Variants in VPS8 observed in about 807,000 individuals in gnomAD.
The protein encoded by VPS8 is VPS8 subunit of CORVET complex.
In VPS8, 129 loss-of-function variants were observed where a neutral mutation model predicts 216.4. That is an observed-to-expected ratio of 0.60 (90% CI 0.52 to 0.69). The LOEUF is 0.69. VPS8 is among the 30% of genes least tolerant of loss of function. The pLI, the probability that VPS8 is intolerant of heterozygous loss-of-function variation, is 0.00. For synonymous variants in VPS8, 571 were observed against 565.4 expected, an observed-to-expected ratio of 1.01 and a Z score of -0.14; for missense variants, 1,531 against 1,683.5, an observed-to-expected ratio of 0.91 and a Z score of 1.59.
chr3:184,816,906 T>TCG (rs1716443727), intron 1 of VPS8, among the ~76,000 whole-genome samples: 1 of 152,126 alleles, frequency 6.6e-6, no homozygotes, highest in Non-Finnish European at 1.5e-5. Flanking sequence ...GAATCATGAT[T>TCG]CATAGAATCA....
At chr3:184,927,881 G>C (rs1003317260) in intron 31 of VPS8, among the ~76,000 whole-genome samples, 10 of 152,160 alleles carry the variant, frequency 6.6e-5, no homozygotes, top group Non-Finnish European at 1.3e-4. Context: ...GTTCATCCAT[G>C]CCGCAGCATG....
intron 22 of VPS8, chr3:184,893,218 A>G (rs1732711515): frequency 7.9e-7 from 1 of 1,262,660 alleles, no homozygotes; most frequent in African/African-American, 1.5e-5. Flanking sequence ...TCTGTTTTCC[A>G]TCTGTCCCCT....
At chr3:185,048,435 C>G (rs1713431578) in intron 46 of VPS8, 44 bp from the exon 47 acceptor site, 2 of 1,597,814 alleles carry the variant, frequency 1.3e-6, no homozygotes, top group African/African-American at 1.3e-5. Flanking sequence ...GAGAGGCTGC[C>G]TAGCCACGTG....
chr3:184,900,613 T>C (rs1363093070), intron 24 of VPS8, among the ~76,000 whole-genome samples: 1 of 152,224 alleles, frequency 6.6e-6, no homozygotes, highest in Non-Finnish European at 1.5e-5. Context: ...ACTTGCTTAC[T>C]AGTTTTTAAA....
intron 23 of VPS8, among the ~76,000 whole-genome samples, chr3:184,895,965 C>T (rs1041153451): frequency 1.3e-5 from 2 of 151,728 alleles, no homozygotes; most frequent in African/African-American, 4.8e-5. Context: ...CACATTAGTC[C>T]TAATAATGAG....
chr3:184,924,170 G>A (rs1016936664), intron 29 of VPS8, among the ~76,000 whole-genome samples: 4 of 152,162 alleles, frequency 2.6e-5, no homozygotes, highest in African/African-American at 7.2e-5. Context: ...AATAGAAAGC[G>A]GAAGCCGTTC....
intron 25 of VPS8, among the ~76,000 whole-genome samples, chr3:184,902,118 C>CG (rs1208829764): frequency 2.0e-4 from 30 of 148,840 alleles, no homozygotes; most frequent in East Asian, 2.0e-4. Context: ...TTAGCCCCCC[C>CG]CCCCTTTTTT....
chr3:184,875,892 A>T (rs1480671077), intron 21 of VPS8, among the ~76,000 whole-genome samples: 2 of 150,836 alleles, frequency 1.3e-5, no homozygotes, highest in Non-Finnish European at 2.9e-5. Context: ...CTGGAGGCTG[A>T]GGTGGGAGGT....
intron 46 of VPS8, among the ~76,000 whole-genome samples, chr3:185,031,576 G>A (rs1229558131): frequency 6.6e-6 from 1 of 152,146 alleles, no homozygotes; most frequent in African/African-American, 2.4e-5. Context: ...ACACCTGGAG[G>A]GCAATGATCT....
chr3:184,888,522 A>G (rs1409006026), intron 22 of VPS8, among the ~76,000 whole-genome samples: 2 of 152,112 alleles, frequency 1.3e-5, no homozygotes, highest in African/African-American at 4.8e-5. Flanking sequence ...CCTCACTTTC[A>G]CACTCAATTC....
intron 37 of VPS8, among the ~76,000 whole-genome samples, chr3:184,960,751 A>G (rs956739132): frequency 6.6e-6 from 1 of 152,230 alleles, no homozygotes; most frequent in Non-Finnish European, 1.5e-5. Context: ...CCTGTCAAAC[A>G]TGTCAAAGGT....
intron 23 of VPS8, among the ~76,000 whole-genome samples, chr3:184,897,618 G>A (rs1221873783): frequency 6.6e-6 from 1 of 152,088 alleles, no homozygotes; most frequent in African/African-American, 2.4e-5. Context: ...CATGGTACTG[G>A]CTGAGAGGGG....
intron 18 of VPS8, chr3:184,868,317 G>A (rs893574069): frequency 2.9e-5 from 12 of 410,406 alleles, no homozygotes; most frequent in African/African-American, 6.1e-5. Flanking sequence ...AGCACCTGGA[G>A]CTAGGTGGTC....
Position 184,855,749 on chromosome 3 carries a change from T to G in VPS8, c.1074T>G (p.Phe358Leu), listed in dbSNP as rs753725563. 5 of 1,613,748 alleles carry G rather than the reference T, an allele frequency of 3.1e-6. No homozygotes were observed. Among genetic ancestry groups the G allele is most frequent in the Non-Finnish European group, 4.2e-6 (5 of 1,179,806 alleles). ...PSSVPLLAWH[F>L]VAVQNYVNPM... is the part of the protein sequence containing the mutation. ...GTGTGCCACTGCTGGCCTGGCACTT[T>G]GTAGCAGTACAAAATTACGTGAATC... Residue 358 changes from phenylalanine to leucine, a missense_variant, in exon 14 of 48, where the codon TTT becomes TTG. Coordinates refer to ENST00000625842, the MANE Select transcript of VPS8 (RefSeq NM_001009921.3).
rs555739461 is a variant in VPS8, at chr3:184,996,188, C to A, written c.3667-144C>A. 9.5e-5 allele frequency: 95 copies of A among 997,974 alleles called. 2 individuals carry two copies. In the South Asian group the frequency reaches 1.2e-3, roughly 13 times the overall value. 61.8% of individuals were successfully genotyped at this position (997,974 alleles called of 1,614,324 possible). On this transcript the variant is annotated intron_variant, in intron 43 of 47. Transcript: ENST00000625842. ...GGGAGGTTTTGATGTTTTTTTGTTTCAACAATGTTATCCCTTTATAGTGTG... is the reference window on the plus strand; with the variant it reads ...GGGAGGTTTTGATGTTTTTTTGTTTAAACAATGTTATCCCTTTATAGTGTG...
At chr3:184,867,802 C>T (rs768052565) in intron 17 of VPS8, among the ~76,000 whole-genome samples, 5 of 152,058 alleles carry the variant, frequency 3.3e-5, no homozygotes, top group Admixed American at 6.5e-5. Context: ...GCCAAGATCC[C>T]GCTGCTGCAC....
At chr3:184,829,927 A>C (rs1045113957) in intron 3 of VPS8, among the ~76,000 whole-genome samples, 1 of 152,070 alleles carries the variant, frequency 6.6e-6, no homozygotes, top group African/African-American at 2.4e-5. Context: ...TATTTGATGT[A>C]CATATTTTAT....
chr3:184,849,969 C>G lies in VPS8; in HGVS notation c.700C>G (p.Leu234Val). Residue 234 changes from leucine (L) to valine (V), a missense_variant, in exon 10 of 48, where the codon CTA becomes GTA. Coordinates refer to ENST00000625842, the MANE Select transcript of VPS8 (RefSeq NM_001009921.3). ...GTGGGATTTGGCCAGTGGAAAACTT[C>G]TAAGATCAATAACAGATGCTCATCC... ...TMWDLASGKL[L>V]RSITDAHPPG... 3 of 1,613,452 alleles carry G rather than the reference C, an allele frequency of 1.9e-6. No individual in the cohort carries two copies. The highest frequency in any genetic ancestry group is 2.5e-6 in the Non-Finnish European group (3 of 1,179,674).
chr3:184,856,222 C>T (rs1249527820), intron 14 of VPS8, among the ~76,000 whole-genome samples: 1 of 152,214 alleles, frequency 6.6e-6, no homozygotes, highest in Non-Finnish European at 1.5e-5. Context: ...ATAATTTCAT[C>T]TTCCACACAG....
Sources: allele counts gnomAD v4.1 joint callset (sites outside exome capture counted in the v4.1 genomes callset), GRCh38; gene constraint gnomAD v4.1.1; transcripts MANE v1.5; gene names NCBI Gene and HGNC (gene_info 2026-07-23, HGNC 2026-07-21).